ITGA5: variants seen among roughly 807,000 people sequenced by gnomAD.
ITGA5 encodes the protein integrin alpha-5.
Under a neutral mutation model 146.3 loss-of-function variants are expected in ITGA5, and 55 were observed. The ratio of observed to expected loss-of-function variants is 0.38; its 90% CI spans 0.30 to 0.47. ITGA5 has a LOEUF of 0.47. Ranked by LOEUF, ITGA5 falls within the 20% of genes least tolerant of loss-of-function variation. The pLI, the probability that ITGA5 is intolerant of heterozygous loss-of-function variation, is 0.99. For missense variants in ITGA5, 1,131 were observed against 1,329.0 expected (o/e 0.85, Z 2.32); for synonymous variants, 500 against 531.8 (o/e 0.94, Z 0.82).
At chr12:54,406,914 C>T (rs1955873399) in intron 9 of ITGA5, among the ~76,000 whole-genome samples, 1 of 152,184 alleles carries the variant, frequency 6.6e-6, no homozygotes, top group Non-Finnish European at 1.5e-5. Context: ...CTGAAGTTTA[C>T]CAAAATGCAG....
At position 54,403,316 on chromosome 12, in the gene ITGA5, T is replaced by G. The variant is rs555004443; in HGVS notation, c.1785A>C (p.Ser595=). 3.3e-6 allele frequency: 5 copies of G among 1,528,094 alleles called. No homozygotes were observed. In the Admixed American group the frequency reaches 6.5e-5, roughly 20 times the overall value. 94.7% of individuals were successfully genotyped at this position (1,528,094 alleles called of 1,614,324 possible). Residue 595 remains serine (S), a synonymous_variant, in exon 18 of 30, where the codon TCA becomes TCC. Transcript: ENST00000293379. This position sits in a 1 kb window ranked among gnomAD's most constrained non-coding sequence, Gnocchi z 4.9. ...REMKIYLRNE[S]EFRDKLSPIH... Reference sequence around the variant, plus strand: ...TCGGCGAGAGTTTGTCTCGAAATTCTGACTCGTTCTGGGGCCAGAGGAGAG... The same window carrying G: ...TCGGCGAGAGTTTGTCTCGAAATTCGGACTCGTTCTGGGGCCAGAGGAGAG...
rs1355977541 is a variant in ITGA5 at position 54,403,506 on chromosome 12, C to T, written c.1776+119G>A. The T allele has an allele frequency of 4.0e-5, 53 of 1,324,122 alleles. 3 individuals carry two copies. In the South Asian group the frequency reaches 7.4e-4, roughly 18 times the overall value. The allele number at this position is 1,324,122 out of a possible 1,614,324, so 82.0% of individuals were successfully genotyped here. On this transcript the variant is annotated intron_variant, in intron 17 of 29. Transcript: ENST00000293379. The surrounding 1 kb of genome is among the most constrained non-coding windows in gnomAD (Gnocchi z 4.9). Reference sequence around the variant, plus strand: ...GACAGAAGGTCTCCCTTTCTCAGCCCCTACAAGAGTCCCAAGCCCTTCACT... The same window carrying T: ...GACAGAAGGTCTCCCTTTCTCAGCCTCTACAAGAGTCCCAAGCCCTTCACT...
Position 54,411,945 on chromosome 12 carries a change from C to A in ITGA5, c.238G>T (p.Ala80Ser), listed in dbSNP as rs1181774677. 1 of 1,599,166 alleles carries A rather than the reference C, an allele frequency of 6.3e-7. No individual in the cohort carries two copies. Among genetic ancestry groups the A allele is most frequent in the Non-Finnish European group, 8.5e-7 (1 of 1,172,344 alleles). The change falls in exon 2 of 30, where the codon GCA becomes TCA. Residue 80 changes from alanine to serine, a missense_variant. By Grantham distance (99) the Ala-to-Ser change is moderately conservative. This residue lies in a region of ITGA5 where 175 missense variants were observed against 179.3 expected (regional missense o/e 0.98). Coordinates refer to ENST00000293379, the MANE Select transcript of ITGA5 (RefSeq NM_002205.5). The part of the protein sequence containing the change: ...GTDGVSVLVG[A>S]PKANTSQPGV... Reference sequence around the variant, plus strand: ...GGCTGGCTGGTATTAGCCTTGGGTGCTCCCACCAGCACACTGACCCTGTGG... The same window carrying A: ...GGCTGGCTGGTATTAGCCTTGGGTGATCCCACCAGCACACTGACCCTGTGG...
Position 54,405,257 on chromosome 12 carries a change from C to T in ITGA5, c.1134G>A (p.Thr378=), listed in dbSNP as rs762863757. 2.2e-5 allele frequency: 36 copies of T among 1,613,794 alleles called. 1 individual carries two copies. The South Asian group carries it at 3.1e-4, about 14-fold the overall frequency. ...YLQHPAGIEP[T]PTLTLTGHDE... ...CATGGCCAGTGAGGGTAAGGGTGGGCGTGGGCTCTATGCCGGCTGGGTGCT... is the reference window on the plus strand; with the variant it reads ...CATGGCCAGTGAGGGTAAGGGTGGGTGTGGGCTCTATGCCGGCTGGGTGCT... Residue 378 remains threonine (T), a synonymous_variant, in exon 12 of 30, where the codon ACG becomes ACA. Coordinates refer to ENST00000293379, the MANE Select transcript of ITGA5 (RefSeq NM_002205.5).
rs983813320 is a variant in ITGA5 at position 54,405,550 on chromosome 12, G to A, written c.1016+114C>T. On this transcript the variant is annotated intron_variant, in intron 11 of 29. Transcript: ENST00000293379. ...GAGCAAGGGGAATGCAGGTATGAGC[G>A]AGAGTCTAGAGAAAAAGCCCTGGAG... is the stretch of plus-strand genomic sequence containing the variant. The A allele has an allele frequency of 1.4e-5, 15 of 1,089,646 alleles. 1 individual carries two copies. The East Asian group carries it at 2.8e-4, about 21-fold the overall frequency. The allele number at this position is 1,089,646 out of a possible 1,614,324, so 67.5% of individuals were successfully genotyped here. A position where few individuals can be genotyped will look rare whatever the true frequency, so the allele number is the denominator to read the frequency against.
At position 54,401,845 on chromosome 12, in the gene ITGA5, C is replaced by G; in HGVS notation, c.2237G>C (p.Gly746Ala). Reference sequence around the variant, plus strand: ...GAGATGAGGGACTGTAAACCGAAGGCCACCCCACAGCTGGGGACAGAAAAA... The same window carrying G: ...GAGATGAGGGACTGTAAACCGAAGGGCACCCCACAGCTGGGGACAGAAAAA... The part of the protein sequence containing the change: ...PMKAGASLWG[G>A]LRFTVPHLRD... The change falls in exon 22 of 30, where the codon GGC becomes GCC. Residue 746 changes from glycine (G) to alanine (A), a missense_variant. Gly to Ala is a moderately conservative substitution (Grantham distance 60). Around this residue, in one of 3 missense-constraint regions of ITGA5, gnomAD observed 889 missense variants for 1,021.5 expected, o/e 0.87. Coordinates refer to ENST00000293379, the MANE Select transcript of ITGA5 (RefSeq NM_002205.5). The surrounding 1 kb of genome is among the most constrained non-coding windows in gnomAD (Gnocchi z 5.0). 1 of 1,614,094 alleles carries G rather than the reference C, an allele frequency of 6.2e-7. No individual in the cohort carries two copies. Among genetic ancestry groups the G allele is most frequent in the Non-Finnish European group, 8.5e-7 (1 of 1,179,964 alleles).
chr12:54,401,985 T>G lies in ITGA5; in HGVS notation c.2226+16A>C. ...CTGCTCTCCCTCTGTCCCATCCTCT[T>G]TCATCCCAAACTTACACTGGCTCCT... On this transcript the variant is annotated intron_variant, in intron 21 of 29. Transcript: ENST00000293379. This position sits in a 1 kb window ranked among gnomAD's most constrained non-coding sequence, Gnocchi z 5.0. 6.2e-7 allele frequency: 1 copy of G among 1,613,632 alleles called. No homozygotes were observed. Among genetic ancestry groups the G allele is most frequent in the Non-Finnish European group, 8.5e-7 (1 of 1,179,576 alleles).
At chr12:54,402,766 C>A (rs1001566451) in intron 19 of ITGA5, among the ~76,000 whole-genome samples, 1 of 152,016 alleles carries the variant, frequency 6.6e-6, no homozygotes, top group Non-Finnish European at 1.5e-5. Flanking sequence ...AACTCTATGG[C>A]AGGCACTAGG....
Position 54,396,324 on chromosome 12 carries a change from T to C in ITGA5, c.3119A>G (p.Gln1040Arg). 6.2e-7 allele frequency: 1 copy of C among 1,614,172 alleles called. No homozygotes were observed. Among genetic ancestry groups the C allele is most frequent in the Non-Finnish European group, 8.5e-7 (1 of 1,179,988 alleles). The change falls in exon 30 of 30, where the codon CAG becomes CGG. Residue 1040 changes from glutamine (Q) to arginine (R), a missense_variant. This residue lies in a region of ITGA5 where 889 missense variants were observed against 1,021.5 expected (regional missense o/e 0.87). Transcript: ENST00000293379. ...ATCAGAGGTGGCTGGAGGCTTGAGC[T>C]GAGCTTTTTCCATGGCGGTGCCATA... ...LPYGTAMEKA[Q>R]LKPPATSDA
intron 12 of ITGA5, 61 bp downstream of exon 12, chr12:54,405,105 C>A: frequency 6.9e-7 from 1 of 1,457,064 alleles, no homozygotes; most frequent in Non-Finnish European, 9.3e-7. Flanking sequence ...GCCCTCTCCC[C>A]AAATCCCTTC....
chr12:54,403,160 G>A lies in ITGA5; in HGVS notation c.1914+27C>T. 1 of 1,578,954 alleles carries A rather than the reference G, an allele frequency of 6.3e-7. No individual in the cohort carries two copies. Among genetic ancestry groups the A allele is most frequent in the Non-Finnish European group, 8.6e-7 (1 of 1,163,562 alleles). ...CAATACCCAGGCCTCTGTCTTCCCA[G>A]GTCCCTTCTCCCTGCCCTGTCCTCA... On this transcript the variant is annotated intron_variant, in intron 18 of 29. Transcript: ENST00000293379. This position sits in a 1 kb window ranked among gnomAD's most constrained non-coding sequence, Gnocchi z 4.9.
At position 54,395,317 on chromosome 12, in the gene ITGA5, T is replaced by G. The variant is rs1246688752; in HGVS notation, c.*976A>C. On this transcript the variant is annotated 3_prime_UTR_variant, in exon 30 of 30. Transcript: ENST00000293379. ...AGATTTATTGCACTTGCAACAGAGTTTAAATAAGTCCTGGGTGTCTGGTGC... is the reference window on the plus strand; with the variant it reads ...AGATTTATTGCACTTGCAACAGAGTGTAAATAAGTCCTGGGTGTCTGGTGC... 6.6e-6 allele frequency: 1 copy of G among 152,638 alleles called. No homozygotes were observed. Among genetic ancestry groups the G allele is most frequent in the Admixed American group, 6.5e-5 (1 of 15,270 alleles). The allele number at this position is 152,638 out of a possible 1,614,324, so 9.5% of individuals were successfully genotyped here. A position where few individuals can be genotyped will look rare whatever the true frequency, so the allele number is the denominator to read the frequency against.
chr12:54,403,874 G>A lies in ITGA5; in HGVS notation c.1621+37C>T. On this transcript the variant is annotated intron_variant, in intron 16 of 29. Transcript: ENST00000293379. The surrounding 1 kb of genome is among the most constrained non-coding windows in gnomAD (Gnocchi z 4.9). ...CAGGTCCCCAGTCCCTTCATTCTCT[G>A]TCCTAGGGCCTGAGAGATCCAGGCA... 6.2e-7 allele frequency: 1 copy of A among 1,613,380 alleles called. No individual in the cohort carries two copies. Among genetic ancestry groups the A allele is most frequent in the Non-Finnish European group, 8.5e-7 (1 of 1,179,362 alleles).
Position 54,403,861 on chromosome 12 carries a change from C to T in ITGA5, c.1621+50G>A, listed in dbSNP as rs757961393. ...GAAGAAATGTCCCCAGGTCCCCAGT[C>T]CCTTCATTCTCTGTCCTAGGGCCTG... On this transcript the variant is annotated intron_variant, in intron 16 of 29. Transcript: ENST00000293379. This position sits in a 1 kb window ranked among gnomAD's most constrained non-coding sequence, Gnocchi z 4.9. The T allele has an allele frequency of 1.9e-6, 3 of 1,612,114 alleles. No homozygotes were observed. The South Asian group carries it at 3.3e-5, about 18-fold the overall frequency.
At position 54,418,973 on chromosome 12, in the gene ITGA5, T is replaced by C; in HGVS notation, c.218+8A>G. 2 of 1,455,650 alleles carry C rather than the reference T, an allele frequency of 1.4e-6. No individual in the cohort carries two copies. Among genetic ancestry groups the C allele is most frequent in the Non-Finnish European group, 1.8e-6 (2 of 1,082,090 alleles). 90.2% of individuals were successfully genotyped at this position (1,455,650 alleles called of 1,614,324 possible). On this transcript the variant is annotated splice_region_variant and intron_variant, in intron 1 of 29. Coordinates refer to ENST00000293379, the MANE Select transcript of ITGA5 (RefSeq NM_002205.5). ...ACCCCCATCCCGTCTCCAGCCCTCCTCACTCACCCGTCTGTTCCCGGCCGG... is the reference window on the plus strand; with the variant it reads ...ACCCCCATCCCGTCTCCAGCCCTCCCCACTCACCCGTCTGTTCCCGGCCGG...
intron 25 of ITGA5, 45 bp downstream of exon 25, chr12:54,400,801 C>G (rs183280621): frequency 6.3e-7 from 1 of 1,597,512 alleles, no homozygotes; most frequent in South Asian, 1.1e-5. Context: ...AGCCTTGGTC[C>G]TCTGAATCTG....
chr12:54,411,398 CATCT>C (rs1955942229), intron 2 of ITGA5, among the ~76,000 whole-genome samples: 1 of 152,228 alleles, frequency 6.6e-6, no homozygotes, highest in Non-Finnish European at 1.5e-5. Flanking sequence ...TCCTCCCATC[CATCT>C]GTGTCTACTC....
chr12:54,398,641 G>C lies in ITGA5; in HGVS notation c.2899C>G (p.Pro967Ala). ...CEAVYKALKM[P>A]YRILPRQLPQ... The stretch of plus-strand genomic sequence containing the variant: ...AGCTGCCGAGGCAGGATTCGGTAGG[G>C]CATCTTCAGGGCTTTGTACACAGCC... The change falls in exon 28 of 30, where the codon CCC (proline) becomes GCC (alanine). Residue 967 changes from proline to alanine, a missense_variant. Physicochemically the swap from Pro to Ala is conservative, Grantham distance 27. Coordinates refer to ENST00000293379, the MANE Select transcript of ITGA5 (RefSeq NM_002205.5). 3.7e-6 allele frequency: 6 copies of C among 1,611,150 alleles called. No individual in the cohort carries two copies. The highest frequency in any genetic ancestry group is 5.1e-6 in the Non-Finnish European group (6 of 1,178,924).
chr12:54,400,241 A>G, intron 25 of ITGA5: 1 of 408,658 alleles, frequency 2.4e-6, no homozygotes, highest in Non-Finnish European at 4.5e-6. Context: ...TGAGTCTTAT[A>G]GACAGGTTCA....
Sources: allele counts gnomAD v4.1 joint callset (sites outside exome capture counted in the v4.1 genomes callset), GRCh38; gene constraint gnomAD v4.1.1; regional missense constraint gnomAD v4.1.1; non-coding constraint Gnocchi (gnomAD v3.1); transcripts MANE v1.5; gene names NCBI Gene and HGNC (gene_info 2026-07-23, HGNC 2026-07-21).